The following CAMKMT variants were observed in gnomAD, a reference collection of about 807,000 sequenced individuals.
CAMKMT encodes the protein calmodulin-lysine N-methyltransferase.
In CAMKMT, 53 loss-of-function variants were observed where a neutral mutation model predicts 48.0. That is an observed-to-expected ratio of 1.10 (90% CI 0.89 to 1.39). The LOEUF (loss-of-function observed/expected upper bound fraction) is 1.39, where lower values mean the gene tolerates loss of function less well. CAMKMT is among the 40% of genes most tolerant of loss of function. The pLI, the probability that CAMKMT is intolerant of heterozygous loss-of-function variation, is 0.00. For synonymous variants in CAMKMT, 165 were observed against 152.3 expected (o/e 1.08, Z -0.61); for missense variants, 428 against 402.7 (o/e 1.06, Z -0.54).
intron 3 of CAMKMT, among the ~76,000 whole-genome samples, chr2:44,595,034 G>T (rs1456895075): frequency 6.6e-6 from 1 of 152,188 alleles, no homozygotes; most frequent in Non-Finnish European, 1.5e-5. Flanking sequence ...CGTTTATGCA[G>T]CCAGCAAACA....
At chr2:44,643,787 C>G (rs1410779637) in intron 3 of CAMKMT, among the ~76,000 whole-genome samples, 1 of 152,138 alleles carries the variant, frequency 6.6e-6, no homozygotes, top group African/African-American at 2.4e-5. Flanking sequence ...TTAGTTATAT[C>G]TTTTCCCTGT....
chr2:44,678,586 A>G (rs962047712), intron 3 of CAMKMT, among the ~76,000 whole-genome samples: 5 of 152,190 alleles, frequency 3.3e-5, no homozygotes, highest in Non-Finnish European at 7.3e-5. Flanking sequence ...CTTGATATTC[A>G]TATTTTTTTT....
chr2:44,589,883 T>TAAAAAAAAAAAAAAAAAAA, intron 3 of CAMKMT, among the ~76,000 whole-genome samples: 1 of 23,240 alleles, frequency 4.3e-5, no homozygotes, highest in East Asian at 7.9e-4. Flanking sequence ...GAATGATCAA[T>TAAAAAAAAAAAAAAAAAAA]AAAAAAAAAA....
intron 3 of CAMKMT, among the ~76,000 whole-genome samples, chr2:44,420,024 A>G (rs1206863668): frequency 6.6e-6 from 1 of 152,210 alleles, no homozygotes; most frequent in Non-Finnish European, 1.5e-5. Flanking sequence ...CTCATACAAG[A>G]TTGCTGATCG....
intron 3 of CAMKMT, among the ~76,000 whole-genome samples, chr2:44,404,549 G>A (rs1181446281): frequency 6.6e-6 from 1 of 152,038 alleles, no homozygotes; most frequent in Non-Finnish European, 1.5e-5. Flanking sequence ...CATTCAAATA[G>A]CATGCCCTAT....
intron 3 of CAMKMT, among the ~76,000 whole-genome samples, chr2:44,493,790 A>C (rs763300169): frequency 1.6e-4 from 24 of 152,194 alleles, no homozygotes; most frequent in Non-Finnish European, 2.9e-4. Flanking sequence ...GTTAAAGAAA[A>C]TTACGAAATT....
chr2:44,698,133 A>G (rs886441059), intron 3 of CAMKMT, among the ~76,000 whole-genome samples: 1 of 152,230 alleles, frequency 6.6e-6, no homozygotes, highest in Non-Finnish European at 1.5e-5. Flanking sequence ...TTCACATACC[A>G]TACAATTCAT....
At chr2:44,655,423 C>T (rs536953677) in intron 3 of CAMKMT, among the ~76,000 whole-genome samples, 4 of 152,304 alleles carry the variant, frequency 2.6e-5, no homozygotes, top group African/African-American at 9.6e-5. Flanking sequence ...GAGGCAGTTT[C>T]TTGCTGGAGG....
intron 3 of CAMKMT, among the ~76,000 whole-genome samples, chr2:44,572,004 T>C (rs981671974): frequency 2.0e-5 from 3 of 152,260 alleles, no homozygotes; most frequent in South Asian, 4.1e-4. Context: ...GTAAAACATA[T>C]ATAATCTTTT....
chr2:44,593,245 A>C (rs1164660362), intron 3 of CAMKMT, among the ~76,000 whole-genome samples: 1 of 152,240 alleles, frequency 6.6e-6, no homozygotes, highest in African/African-American at 2.4e-5. Flanking sequence ...TGGCAGAAAC[A>C]TGCACAATTT....
intron 3 of CAMKMT, among the ~76,000 whole-genome samples, chr2:44,611,312 A>T (rs766640761): frequency 2.6e-5 from 4 of 152,040 alleles, no homozygotes; most frequent in Non-Finnish European, 5.9e-5. Flanking sequence ...ACACACCTGT[A>T]ATCCCAGCTA....
chr2:44,585,525 A>G (rs906020928), intron 3 of CAMKMT, among the ~76,000 whole-genome samples: 1 of 152,212 alleles, frequency 6.6e-6, no homozygotes, highest in Admixed American at 6.5e-5. Context: ...TTATAAATAC[A>G]TATCCAAATG....
intron 3 of CAMKMT, among the ~76,000 whole-genome samples, chr2:44,396,350 T>G (rs969179514): frequency 6.6e-6 from 1 of 152,136 alleles, no homozygotes. Context: ...TTATGACATA[T>G]ATTCAGATGA....
chr2:44,387,084 T>C (rs1289829323), intron 2 of CAMKMT, among the ~76,000 whole-genome samples: 4 of 152,198 alleles, frequency 2.6e-5, no homozygotes, highest in Non-Finnish European at 4.4e-5. Flanking sequence ...ACTTTCTGTC[T>C]TGATGACCTG....
intron 3 of CAMKMT, among the ~76,000 whole-genome samples, chr2:44,572,338 T>C (rs1668954690): frequency 6.6e-6 from 1 of 152,176 alleles, no homozygotes; most frequent in South Asian, 2.1e-4. Flanking sequence ...TGAGCTGCCA[T>C]GCCTAGGCTC....
intron 3 of CAMKMT, among the ~76,000 whole-genome samples, chr2:44,568,269 T>C (rs961972346): frequency 6.6e-6 from 1 of 152,022 alleles, no homozygotes; most frequent in East Asian, 1.9e-4. Context: ...CTTTCATCAG[T>C]GCATTTGCTT....
intron 7 of CAMKMT, among the ~76,000 whole-genome samples, chr2:44,724,142 G>A (rs1043106514): frequency 6.6e-6 from 1 of 152,128 alleles, no homozygotes; most frequent in African/African-American, 2.4e-5. Context: ...GCAGTGGCGT[G>A]TGCCTGTAGT....
chr2:44,766,674 T>C, intron 10 of CAMKMT, 113 bp downstream of exon 10: 1 of 1,144,038 alleles, frequency 8.7e-7, no homozygotes, highest in Non-Finnish European at 1.2e-6. Context: ...CTTAGATGTG[T>C]TGCTTCTGAA....
intron 3 of CAMKMT, among the ~76,000 whole-genome samples, chr2:44,621,927 A>G (rs1298104561): frequency 6.6e-6 from 1 of 152,216 alleles, no homozygotes. Flanking sequence ...TGGTGGTGGC[A>G]ATAGTAATGG....
Sources: allele counts gnomAD v4.1 joint callset (sites outside exome capture counted in the v4.1 genomes callset), GRCh38; gene constraint gnomAD v4.1.1; transcripts MANE v1.5; gene names NCBI Gene and HGNC (gene_info 2026-07-23, HGNC 2026-07-21).